Variants in CREB5 observed in about 807,000 individuals in gnomAD.
CREB5 encodes cAMP responsive element binding protein 5.
CREB5 carries 19 observed loss-of-function variants against 57.1 expected under a neutral mutation model. The ratio of observed to expected loss-of-function variants is 0.33; its 90% CI spans 0.23 to 0.49. The LOEUF is 0.49. CREB5 is among the 20% of genes least tolerant of loss of function. CREB5 has a pLI of 0.99. For synonymous variants in CREB5, 238 were observed against 238.3 expected (o/e 1.00, Z 0.01); for missense variants, 579 against 671.6 (o/e 0.86, Z 1.52).
intron 5 of CREB5, among the ~76,000 whole-genome samples, chr7:28,644,436 C>T (rs1381294966): frequency 6.6e-6 from 1 of 150,876 alleles, no homozygotes; most frequent in Non-Finnish European, 1.5e-5. Context: ...GGGGGCCAGA[C>T]TTTATGAATA....
chr7:28,341,485 C>T (rs1785935623), intron 1 of CREB5, among the ~76,000 whole-genome samples: 2 of 152,166 alleles, frequency 1.3e-5, no homozygotes, highest in South Asian at 4.1e-4. Flanking sequence ...CTGACTCTTA[C>T]CTCAAGATGT....
In CREB5 at chr7:28,526,975, C is replaced by A. The variant is rs562729705; in HGVS notation, c.291+19238C>A. Among the ~76,000 whole-genome samples the A allele has an allele frequency of 3.3e-5, 5 of 152,316 alleles. No individual in the cohort carries two copies. The East Asian group carries it at 9.6e-4, about 29-fold the overall frequency. On this transcript the variant is annotated intron_variant, in intron 4 of 10. Transcript: ENST00000357727. ...CAGGTGCTGGACACCTGGACACATACTCTACACCCCTTATGAAGAGTGAAA... is the reference window on the plus strand; with the variant it reads ...CAGGTGCTGGACACCTGGACACATAATCTACACCCCTTATGAAGAGTGAAA...
chr7:28,421,053 G>A (rs188535911), intron 1 of CREB5, among the ~76,000 whole-genome samples: 17 of 152,164 alleles, frequency 1.1e-4, no homozygotes, highest in Non-Finnish European at 2.4e-4. Flanking sequence ...GATGAATTAT[G>A]TAGCAGTGAA....
At chr7:28,724,195 C>G (rs752541215) in intron 6 of CREB5, 27 bp from the exon 7 acceptor site, 4 of 1,600,164 alleles carry the variant, frequency 2.5e-6, no homozygotes, top group Non-Finnish European at 3.4e-6. Flanking sequence ...TTGCAGACTT[C>G]TAATTCTTTT....
chr7:28,354,635 C>T (rs368758857), intron 1 of CREB5, among the ~76,000 whole-genome samples: 13 of 152,320 alleles, frequency 8.5e-5, no homozygotes, highest in African/African-American at 2.2e-4. Context: ...CAAGCTCCCA[C>T]GTCACTGCAG....
At chr7:28,506,686 C>T (rs935850017) in intron 3 of CREB5, among the ~76,000 whole-genome samples, 1 of 152,320 alleles carries the variant, frequency 6.6e-6, no homozygotes, top group East Asian at 1.9e-4. Context: ...AGACCATTTA[C>T]ACAATTTTAT....
intron 4 of CREB5, among the ~76,000 whole-genome samples, chr7:28,563,755 CT>C (rs1322785855): frequency 1.3e-5 from 2 of 152,186 alleles, no homozygotes; most frequent in Non-Finnish European, 2.9e-5. Context: ...CATAGCCCCC[CT>C]GTGCTCTCCT....
intron 1 of CREB5, among the ~76,000 whole-genome samples, chr7:28,367,317 C>T (rs1488255496): frequency 1.3e-5 from 2 of 152,216 alleles, no homozygotes; most frequent in African/African-American, 4.8e-5. Context: ...GCCCAATTGG[C>T]ATCCCACACT....
chr7:28,619,101 AT>A (rs1458888857), intron 5 of CREB5, among the ~76,000 whole-genome samples: 1 of 152,222 alleles, frequency 6.6e-6, no homozygotes, highest in African/African-American at 2.4e-5. Context: ...AACACTTTAG[AT>A]TTAACTCATT....
At chr7:28,412,147 A>G (rs1787827215), upstream of CREB5, among the ~76,000 whole-genome samples, 1 of 152,252 alleles carries the variant, frequency 6.6e-6, no homozygotes, top group Non-Finnish European at 1.5e-5. Flanking sequence ...ACCCAGGGAC[A>G]ACTTTCGAAG....
At chr7:28,738,901 G>T (rs1468385957) in intron 7 of CREB5, among the ~76,000 whole-genome samples, 1 of 152,018 alleles carries the variant, frequency 6.6e-6, no homozygotes, top group Non-Finnish European at 1.5e-5. Context: ...TTTTCCTCCC[G>T]AAATATTTAT....
At chr7:28,462,951 T>G (rs1037036876) in intron 1 of CREB5, among the ~76,000 whole-genome samples, 2 of 152,132 alleles carry the variant, frequency 1.3e-5, no homozygotes, top group East Asian at 3.8e-4. Context: ...TTTTTTCTTT[T>G]GTTGCTGGTA....
At chr7:28,603,841 A>C (rs987031691) in intron 5 of CREB5, among the ~76,000 whole-genome samples, 4 of 152,212 alleles carry the variant, frequency 2.6e-5, no homozygotes, top group African/African-American at 9.7e-5. Context: ...TTTAGGTAAC[A>C]TAAAAGTATT....
intron 1 of CREB5, among the ~76,000 whole-genome samples, chr7:28,306,489 C>T (rs766902095): frequency 7.1e-4 from 73 of 102,590 alleles, no homozygotes; most frequent in Non-Finnish European, 1.1e-3. Context: ...CATCATGGCA[C>T]AAGATTTTAA....
chr7:28,324,173 C>T (rs1319917989), intron 1 of CREB5, among the ~76,000 whole-genome samples: 1 of 152,180 alleles, frequency 6.6e-6, no homozygotes, highest in Non-Finnish European at 1.5e-5. Context: ...AAAATGTGCC[C>T]TGAAAGCTCC....
intron 1 of CREB5, among the ~76,000 whole-genome samples, chr7:28,400,970 T>C (rs1310841990): frequency 6.6e-6 from 1 of 152,234 alleles, no homozygotes; most frequent in Non-Finnish European, 1.5e-5. Flanking sequence ...TCCTAATTAT[T>C]GTTAAACCAT....
intron 7 of CREB5, among the ~76,000 whole-genome samples, chr7:28,803,480 C>T (rs192736075): frequency 8.4e-4 from 128 of 152,180 alleles, no homozygotes; most frequent in African/African-American, 2.9e-3. Flanking sequence ...AGTGGCTGGC[C>T]GGGCACGGTG....
At chr7:28,746,930 G>A (rs1363774502) in intron 7 of CREB5, among the ~76,000 whole-genome samples, 5 of 152,208 alleles carry the variant, frequency 3.3e-5, no homozygotes, top group African/African-American at 1.2e-4. Context: ...GCTGATGAAG[G>A]TGGAAACATG....
At chr7:28,598,372 A>G (rs1366016183) in intron 5 of CREB5, among the ~76,000 whole-genome samples, 1 of 152,196 alleles carries the variant, frequency 6.6e-6, no homozygotes, top group Non-Finnish European at 1.5e-5. Flanking sequence ...CTTTATCAGC[A>G]GCATGAAAAT....
Sources: allele counts gnomAD v4.1 joint callset (sites outside exome capture counted in the v4.1 genomes callset), GRCh38; gene constraint gnomAD v4.1.1; transcripts MANE v1.5; gene names NCBI Gene and HGNC (gene_info 2026-07-23, HGNC 2026-07-21).